Variants in DLGAP1 observed in about 807,000 individuals in gnomAD.
DLGAP1 encodes DLG associated protein 1.
A neutral mutation model predicts 90.8 loss-of-function variants in DLGAP1; 11 were observed. The observed-to-expected ratio is 0.12, with a 90% CI of 0.08 to 0.20. DLGAP1 has a LOEUF of 0.20. Ranked by LOEUF, DLGAP1 falls within the 10% of genes least tolerant of loss-of-function variation. The probability of loss-of-function intolerance (pLI) is 1.00; values close to 1 mark genes in which losing one functional copy is unlikely to be tolerated. For synonymous variants in DLGAP1, 558 were observed against 540.7 expected, an observed-to-expected ratio of 1.03 and a Z score of -0.44; for missense variants, 1,050 against 1,333.8, an observed-to-expected ratio of 0.79 and a Z score of 3.31.
chr18:3,707,643 T>G (rs895914453), intron 7 of DLGAP1, among the ~76,000 whole-genome samples: 1 of 152,048 alleles, frequency 6.6e-6, no homozygotes, highest in African/African-American at 2.4e-5. Context: ...CTAGATTATC[T>G]TGTGCATGTC....
Position 4,222,944 on chromosome 18 carries a change from G to T in DLGAP1, c.-266-71657C>A, listed in dbSNP as rs141859005. On this transcript the variant is annotated intron_variant, in intron 1 of 12. Transcript: ENST00000315677. ...GACCATAAACAGAAAAGAAATAAAA[G>T]AAATGATAAACACATATTAAAGATT... is the stretch of plus-strand genomic sequence containing the variant. Among the ~76,000 whole-genome samples, 1,406 of 152,064 alleles carry T rather than the reference G, an allele frequency of 9.2e-3. 23 individuals are homozygous for T. The highest frequency in any genetic ancestry group is 0.032 in the African/African-American group (1,328 of 41,502).
intron 1 of DLGAP1, among the ~76,000 whole-genome samples, chr18:4,196,762 A>G (rs2077505105): frequency 6.6e-6 from 1 of 152,178 alleles, no homozygotes; most frequent in Non-Finnish European, 1.5e-5. Flanking sequence ...CATTTTTCTC[A>G]CTTCTATCTC....
chr18:3,577,225 G>A (rs111782675), intron 8 of DLGAP1, among the ~76,000 whole-genome samples: 4 of 152,150 alleles, frequency 2.6e-5, no homozygotes, highest in Non-Finnish European at 5.9e-5. Context: ...CCAGCACCAC[G>A]TGACCCTGCC....
chr18:4,431,241 G>A (rs1194471266), intron 1 of DLGAP1: 1 of 152,234 alleles, frequency 6.6e-6, no homozygotes, highest in Admixed American at 6.5e-5. Flanking sequence ...TCTCTTCTTT[G>A]GATTTCATGA....
chr18:4,058,549 C>A (rs555225821), intron 2 of DLGAP1, among the ~76,000 whole-genome samples: 5 of 152,274 alleles, frequency 3.3e-5, no homozygotes, highest in Admixed American at 6.5e-5. Context: ...AATTAGCACC[C>A]CTTTGGGAGG....
rs547152963 is a variant in DLGAP1 at position 4,311,229 on chromosome 18, C to CAGCTTT, written c.-267+143776_-267+143777insAAAGCT. ...CTACTGGATACTGACTTGAGCAGAA[C>CAGCTTT]TATAAACATTTTATTGCAGATAGCT... is the stretch of plus-strand genomic sequence containing the variant. On this transcript the variant is annotated intron_variant, in intron 1 of 12. Coordinates refer to ENST00000315677, the MANE Select transcript of DLGAP1 (RefSeq NM_004746.4). Among the ~76,000 whole-genome samples the CAGCTTT allele has an allele frequency of 9.5e-3, 1,445 of 152,284 alleles. 24 individuals carry two copies. Among genetic ancestry groups the CAGCTTT allele is most frequent in the African/African-American group, 0.032 (1,341 of 41,566 alleles).
intron 5 of DLGAP1, among the ~76,000 whole-genome samples, chr18:3,755,453 C>T (rs1470933554): frequency 6.6e-6 from 1 of 150,674 alleles, no homozygotes; most frequent in Non-Finnish European, 1.5e-5. Context: ...ATATAGCATG[C>T]AAAAAACAAA....
intron 1 of DLGAP1, among the ~76,000 whole-genome samples, chr18:4,416,333 T>G (rs572849283): frequency 1.9e-4 from 29 of 152,288 alleles, no homozygotes; most frequent in African/African-American, 6.0e-4. Context: ...GATAATAGGT[T>G]GCTATTGAGT....
chr18:3,779,550 C>T (rs543502828), intron 5 of DLGAP1, among the ~76,000 whole-genome samples: 1 of 152,254 alleles, frequency 6.6e-6, no homozygotes, highest in South Asian at 2.1e-4. Context: ...ACTTGATTGT[C>T]CTCCAGTGGG....
At chr18:3,503,404 C>T (rs1203390615) in intron 11 of DLGAP1, among the ~76,000 whole-genome samples, 1 of 152,160 alleles carries the variant, frequency 6.6e-6, no homozygotes, top group South Asian at 2.1e-4. Flanking sequence ...TTTGCCCCAT[C>T]CACATATCCC....
chr18:3,831,936 G>C (rs1186482917), intron 4 of DLGAP1, among the ~76,000 whole-genome samples: 1 of 152,204 alleles, frequency 6.6e-6, no homozygotes, highest in African/African-American at 2.4e-5. Flanking sequence ...TTTCATTCAA[G>C]TTATCAGTGC....
intron 2 of DLGAP1, among the ~76,000 whole-genome samples, chr18:4,116,053 C>G (rs1435987261): frequency 6.6e-6 from 1 of 152,136 alleles, no homozygotes; most frequent in Non-Finnish European, 1.5e-5. Context: ...CTTAAAAACT[C>G]TCTTTAGTAT....
intron 3 of DLGAP1, among the ~76,000 whole-genome samples, chr18:3,969,562 A>C (rs181687250): frequency 1.6e-3 from 240 of 152,326 alleles, no homozygotes; most frequent in Non-Finnish European, 3.0e-3. Flanking sequence ...AGATCCAGAA[A>C]AAAGTAGAAG....
At chr18:4,099,405 G>A (rs1477080233) in intron 2 of DLGAP1, among the ~76,000 whole-genome samples, 1 of 151,936 alleles carries the variant, frequency 6.6e-6, no homozygotes, top group Non-Finnish European at 1.5e-5. Flanking sequence ...GTTTGGTTCT[G>A]GACCACAGCA....
intron 2 of DLGAP1, among the ~76,000 whole-genome samples, chr18:4,033,304 T>A (rs1160274133): frequency 2.0e-5 from 3 of 151,982 alleles, no homozygotes; most frequent in African/African-American, 7.3e-5. Context: ...CTGTTTGGCA[T>A]ACAAGATTGT....
At chr18:4,364,452 C>T (rs1456485697) in intron 1 of DLGAP1, among the ~76,000 whole-genome samples, 1 of 151,918 alleles carries the variant, frequency 6.6e-6, no homozygotes, top group Non-Finnish European at 1.5e-5. Context: ...GCACAATCAT[C>T]AATATGTATA....
chr18:3,806,255 C>T (rs1490732909), intron 5 of DLGAP1, among the ~76,000 whole-genome samples: 1 of 152,196 alleles, frequency 6.6e-6, no homozygotes, highest in African/African-American at 2.4e-5. Flanking sequence ...AAACCACAAT[C>T]CTTTCTTATG....
intron 7 of DLGAP1, among the ~76,000 whole-genome samples, chr18:3,673,271 C>G (rs1372879937): frequency 1.3e-5 from 2 of 152,172 alleles, no homozygotes; most frequent in Non-Finnish European, 2.9e-5. Flanking sequence ...CGGCACAAAC[C>G]TATCCCTCTA....
Position 4,108,876 on chromosome 18 carries a change from C to T in DLGAP1, c.-159+42304G>A, listed in dbSNP as rs372287405. On this transcript the variant is annotated intron_variant, in intron 2 of 12. Transcript: ENST00000315677. ...CACACTTAGGAGAAACCTATTTCTA[C>T]CTCCAAATAATGGAAGGGCTGTCAC... Among the ~76,000 whole-genome samples the T allele has an allele frequency of 8.5e-5, 13 of 152,280 alleles. No individual in the cohort carries two copies. In the East Asian group the frequency reaches 1.2e-3, roughly 14 times the overall value.
Sources: allele counts gnomAD v4.1 joint callset (sites outside exome capture counted in the v4.1 genomes callset), GRCh38; gene constraint gnomAD v4.1.1; transcripts MANE v1.5; gene names NCBI Gene and HGNC (gene_info 2026-07-23, HGNC 2026-07-21).